Variants in ADGRE3 observed in about 807,000 individuals in gnomAD.
ADGRE3 encodes the protein adhesion G protein-coupled receptor E3.
ADGRE3 carries 88 observed loss-of-function variants against 80.1 expected under a neutral mutation model. The observed-to-expected ratio is 1.10, with a 90% confidence interval of 0.93 to 1.31. The LOEUF is 1.31. Among genes scored for constraint, ADGRE3 ranks in the 40% most tolerant of loss-of-function variants. The pLI, the probability that ADGRE3 is intolerant of heterozygous loss-of-function variation, is 0.00. For synonymous variants in ADGRE3, 281 were observed against 294.8 expected, an observed-to-expected ratio of 0.95 and a Z score of 0.48; for missense variants, 715 against 776.5, an observed-to-expected ratio of 0.92 and a Z score of 0.94.
intron 14 of ADGRE3, chr19:14,628,699 C>T (rs952646684): frequency 3.4e-5 from 13 of 385,822 alleles, no homozygotes; most frequent in African/African-American, 2.6e-4. Flanking sequence ...GCAAAAACTG[C>T]AATAGCAGAC....
rs1482186219 is a variant in ADGRE3 at position 14,636,172 on chromosome 19, CT to C, written c.1484+1932del. Among the ~76,000 whole-genome samples the C allele has an allele frequency of 1.1e-3, 21 of 19,588 alleles. 1 individual carries two copies. The highest frequency in any genetic ancestry group is 2.2e-3 in the African/African-American group (12 of 5,486). The allele number at this position is 19,588 out of a possible 152,430, so 12.9% of individuals were successfully genotyped here. A position where few individuals can be genotyped will look rare whatever the true frequency, so the allele number is the denominator to read the frequency against. ...TTTCTTCCTTTCCTCCTTTCCTTTC[CT>C]TTCCTTCCTCTTTCTTTCTTTCTTT... On this transcript the variant is annotated intron_variant, in intron 11 of 15. Coordinates refer to ENST00000253673, the MANE Select transcript of ADGRE3 (RefSeq NM_032571.5).
chr19:14,613,657 T>C, the ADGRE3 span, among the ~76,000 whole-genome samples: 1 of 152,060 alleles, frequency 6.6e-6, no homozygotes, highest in African/African-American at 2.4e-5. Flanking sequence ...TTTGATTTGT[T>C]TTAAATCTAC....
chr19:14,624,804 A>G (rs1970691339), intron 15 of ADGRE3, among the ~76,000 whole-genome samples: 1 of 151,848 alleles, frequency 6.6e-6, no homozygotes, highest in East Asian at 1.9e-4. Context: ...GAGGAAGCTC[A>G]GCAAACGAAC....
chr19:14,644,814 C>G (rs1411050774), intron 8 of ADGRE3, among the ~76,000 whole-genome samples: 1 of 152,204 alleles, frequency 6.6e-6, no homozygotes, highest in Non-Finnish European at 1.5e-5. Flanking sequence ...CCACCTTGAC[C>G]TCCCTGGCTC....
At chr19:14,660,789 C>T (rs948892761) in intron 4 of ADGRE3, among the ~76,000 whole-genome samples, 5 of 151,904 alleles carry the variant, frequency 3.3e-5, no homozygotes, top group East Asian at 1.9e-4. Flanking sequence ...CACGGATCCA[C>T]GGGTGCACAT....
intron 8 of ADGRE3, among the ~76,000 whole-genome samples, chr19:14,646,130 T>G (rs1971391424): frequency 6.6e-6 from 1 of 152,142 alleles, no homozygotes; most frequent in Admixed American, 6.5e-5. Flanking sequence ...CTTCTTCTCT[T>G]TCTTTTTTTC....
chr19:14,642,505 C>T (rs963009490), intron 9 of ADGRE3, among the ~76,000 whole-genome samples: 1 of 152,100 alleles, frequency 6.6e-6, no homozygotes, highest in Non-Finnish European at 1.5e-5. Flanking sequence ...GCGGGGGTCT[C>T]TTGTACAGAT....
Position 14,636,082 on chromosome 19 carries a change from C to CTTTCTTTCTTTCTTTCTT in ADGRE3, c.1484+2005_1484+2022dup, listed in dbSNP as rs1971053933. Reference sequence around the variant, plus strand: ...CTTCCTTTCCTTTCCTTTCCTTTCCCTTTCTTTCTTTCTTTCTTTCTTTCT... The same window carrying CTTTCTTTCTTTCTTTCTT: ...CTTCCTTTCCTTTCCTTTCCTTTCCCTTTCTTTCTTTCTTTCTTTTTCTTTCTTTCTTTCTTTCTTTCT... On this transcript the variant is annotated intron_variant, in intron 11 of 15. Coordinates refer to ENST00000253673, the MANE Select transcript of ADGRE3 (RefSeq NM_032571.5). Among the ~76,000 whole-genome samples, 6 of 6,878 alleles carry CTTTCTTTCTTTCTTTCTT rather than the reference C, an allele frequency of 8.7e-4. 1 individual carries two copies. Among genetic ancestry groups the CTTTCTTTCTTTCTTTCTT allele is most frequent in the East Asian group, 5.8e-3 (1 of 172 alleles). The allele number at this position is 6,878 out of a possible 152,430, so 4.5% of individuals were successfully genotyped here.
In ADGRE3 at chr19:14,638,182, T is replaced by C. The variant is rs969568188; in HGVS notation, c.1407A>G (p.Pro469=). The C allele has an allele frequency of 3.7e-6, 6 of 1,613,996 alleles. No homozygotes were observed. The highest frequency in any genetic ancestry group is 5.1e-6 in the Non-Finnish European group (6 of 1,180,024). Residue 469 remains proline, a synonymous_variant, in exon 11 of 16, where the codon CCA becomes CCG. Transcript: ENST00000253673. ...INRLMKWIMF[P]VGYGVPAVTV... ...TCACAGCGGGAACGCCATAGCCGAC[T>C]GGGAACATGATCCACTTCATGAGTC...
At chr19:14,667,677 C>T in intron 2 of ADGRE3, among the ~76,000 whole-genome samples, 1 of 151,496 alleles carries the variant, frequency 6.6e-6, no homozygotes, top group African/African-American at 2.4e-5. Context: ...ACATCACACC[C>T]AGGGGGTGGG....
intron 4 of ADGRE3, 77 bp downstream of exon 4, chr19:14,661,886 A>G: frequency 2.0e-6 from 3 of 1,499,234 alleles, no homozygotes; most frequent in Non-Finnish European, 2.8e-6. Flanking sequence ...CTCTGTCTCA[A>G]AACAAAACAA....
intron 1 of ADGRE3, among the ~76,000 whole-genome samples, chr19:14,673,128 G>A (rs979339317): frequency 1.3e-4 from 20 of 152,324 alleles, no homozygotes; most frequent in African/African-American, 4.8e-4. Flanking sequence ...TATGCTAGGG[G>A]TTGCAAAGGT....
intron 14 of ADGRE3, among the ~76,000 whole-genome samples, chr19:14,629,563 A>G (rs1300472830): frequency 6.6e-6 from 1 of 152,104 alleles, no homozygotes; most frequent in Non-Finnish European, 1.5e-5. Context: ...TAGGAGAAGA[A>G]TATTTGCTGG....
intron 2 of ADGRE3, among the ~76,000 whole-genome samples, chr19:14,664,852 A>T (rs184037534): frequency 6.6e-6 from 1 of 152,286 alleles, no homozygotes; most frequent in East Asian, 1.9e-4. Flanking sequence ...AAATCCAACA[A>T]TAAGTCTCTT....
intron 5 of ADGRE3, among the ~76,000 whole-genome samples, chr19:14,656,368 A>AG (rs1971762733): frequency 1.5e-5 from 1 of 64,856 alleles, no homozygotes; most frequent in South Asian, 8.3e-4. Context: ...AAAAAAAAAA[A>AG]AGAAAAGAAA....
chr19:14,621,349 G>A (rs1433795920), intron 15 of ADGRE3, among the ~76,000 whole-genome samples: 1 of 152,094 alleles, frequency 6.6e-6, no homozygotes, highest in Non-Finnish European at 1.5e-5. Flanking sequence ...CAGCTACTGG[G>A]GAGGCTGAGG....
intron 15 of ADGRE3, among the ~76,000 whole-genome samples, chr19:14,621,122 C>T (rs767235193): frequency 2.6e-5 from 4 of 151,948 alleles, no homozygotes; most frequent in East Asian, 1.9e-4. Flanking sequence ...CAGGTTCAAG[C>T]GATTCTCTTG....
At chr19:14,627,756 A>C (rs543666848) in intron 14 of ADGRE3, among the ~76,000 whole-genome samples, 1 of 152,302 alleles carries the variant, frequency 6.6e-6, no homozygotes, top group South Asian at 2.1e-4. Flanking sequence ...TGGAGGACAC[A>C]GACTACTGTT....
rs777763290 is a variant in ADGRE3, at chr19:14,663,547, G to T, written c.77-7C>A. 1.1e-5 allele frequency: 18 copies of T among 1,611,404 alleles called. No individual in the cohort carries two copies. Among genetic ancestry groups the T allele is most frequent in the African/African-American group, 2.7e-5 (2 of 74,794 alleles). ...GGGCACTTAGCACAGGAAGCTGCAG[G>T]GAGAAGAGAGGCAGGTTAAATGGAC... is the stretch of plus-strand genomic sequence containing the variant. On this transcript the variant is annotated splice_region_variant and splice_polypyrimidine_tract_variant and intron_variant, in intron 2 of 15. Coordinates refer to ENST00000253673, the MANE Select transcript of ADGRE3 (RefSeq NM_032571.5).
Sources: allele counts gnomAD v4.1 joint callset (sites outside exome capture counted in the v4.1 genomes callset), GRCh38; gene constraint gnomAD v4.1.1; transcripts MANE v1.5; gene names NCBI Gene and HGNC (gene_info 2026-07-23, HGNC 2026-07-21).